Variants in GBF1 observed in about 807,000 individuals in gnomAD.
GBF1 encodes Golgi-specific brefeldin A-resistance guanine nucleotide exchange factor 1.
Under a neutral mutation model 210.5 loss-of-function variants are expected in GBF1, and 114 were observed. That is an observed-to-expected ratio of 0.54 (90% CI 0.47 to 0.63). GBF1 has a LOEUF of 0.63. Among genes scored for constraint, GBF1 ranks in the 30% least tolerant of loss-of-function variants. The pLI is 0.00. For missense variants in GBF1, 1,851 were observed against 2,357.7 expected (o/e 0.79, Z 4.45); for synonymous variants, 850 against 889.2 (o/e 0.96, Z 0.78).
chr10:102,262,955 GAGT>G (rs2073420346), intron 3 of GBF1, among the ~76,000 whole-genome samples: 1 of 152,188 alleles, frequency 6.6e-6, no homozygotes, highest in African/African-American at 2.4e-5. Flanking sequence ...AGAGGGAAGG[GAGT>G]AGTGTTTTCC....
At chr10:102,344,642 A>G (rs756848539) in intron 4 of GBF1, among the ~76,000 whole-genome samples, 3 of 151,758 alleles carry the variant, frequency 2.0e-5, no homozygotes, top group Admixed American at 6.6e-5. Flanking sequence ...CACCACGCCC[A>G]GCTAATTTTT....
intron 3 of GBF1, among the ~76,000 whole-genome samples, chr10:102,343,628 G>A (rs1780850660): frequency 6.6e-6 from 1 of 151,950 alleles, no homozygotes. Context: ...AGACCAACCT[G>A]GGCAACATGG....
the GBF1 span, chr10:102,231,964 G>T: frequency 1.2e-6 from 2 of 1,606,862 alleles, no homozygotes; most frequent in Non-Finnish European, 1.7e-6. Flanking sequence ...CGCGCTTACC[G>T]CTGTGCTCCT....
In GBF1 at chr10:102,263,538, AACC is replaced by A. The variant is rs1200191524; in HGVS notation, c.163+3424_163+3426del. 3.4e-4 allele frequency among the ~76,000 whole-genome samples: 52 copies of A among 152,328 alleles called. 1 individual carries two copies. The highest frequency in any genetic ancestry group is 6.0e-4 in the Non-Finnish European group (41 of 68,028). On this transcript the variant is annotated intron_variant, in intron 3 of 39. Transcript: ENST00000369983. ...GGTGGTTCATTGGACATTGTCAGTA[AACC>A]AAAATGATTTTTTTTTCTCTTTTTG...
chr10:102,257,195 T>C (rs2072526568), intron 1 of GBF1, among the ~76,000 whole-genome samples: 1 of 152,268 alleles, frequency 6.6e-6, no homozygotes, highest in Non-Finnish European at 1.5e-5. Flanking sequence ...ATATTAATGC[T>C]TTCTTGCTGT....
Position 102,376,877 on chromosome 10 carries a change from G to A in GBF1, c.4289-58G>A, listed in dbSNP as rs532261963. Reference sequence around the variant, plus strand: ...GGGAGAGGCTGAGAGGGGAGAAAAGGCAGGGTATCTATGCCTATATAGACA... The same window carrying A: ...GGGAGAGGCTGAGAGGGGAGAAAAGACAGGGTATCTATGCCTATATAGACA... On this transcript the variant is annotated intron_variant, in intron 32 of 39. Coordinates refer to ENST00000369983, the MANE Select transcript of GBF1 (RefSeq NM_001377137.1). The A allele has an allele frequency of 3.1e-6, 5 of 1,608,504 alleles. No individual in the cohort carries two copies. In the South Asian group the frequency reaches 3.3e-5, roughly 11 times the overall value.
chr10:102,367,188 A>C lies in GBF1; in HGVS notation c.2537A>C (p.Gln846Pro). The C allele has an allele frequency of 8.7e-6, 14 of 1,614,190 alleles. No homozygotes were observed. Among genetic ancestry groups the C allele is most frequent in the Non-Finnish European group, 1.1e-5 (13 of 1,180,016 alleles). Residue 846 changes from glutamine to proline, a missense_variant, in exon 20 of 40, where the codon CAG (glutamine) becomes CCG (proline). Gln to Pro is a moderately conservative substitution (Grantham distance 76). Around this residue, in one of 3 missense-constraint regions of GBF1, gnomAD observed 80 missense variants for 151.4 expected, o/e 0.53. Transcript: ENST00000369983. ...CAGCACAACCACAATGTTCGTAAAC[A>C]GAATGCACCCATGACCCTGGAGGTA... ...TDQHNHNVRKQNAPMTLEEFR... is the reference protein window; with the variant it reads ...TDQHNHNVRKPNAPMTLEEFR...
Position 102,311,764 on chromosome 10 carries a change from G to A in GBF1, c.164-32287G>A, listed in dbSNP as rs1171464688. 7.9e-5 allele frequency among the ~76,000 whole-genome samples: 12 copies of A among 152,278 alleles called. No homozygotes were observed. The South Asian group carries it at 2.3e-3, about 29-fold the overall frequency. On this transcript the variant is annotated intron_variant, in intron 3 of 39. Coordinates refer to ENST00000369983, the MANE Select transcript of GBF1 (RefSeq NM_001377137.1). ...AGAATCAACTATTCCTATGCCCCAT[G>A]AATTTCCCCAAAGTTGAACTACTCC...
Position 102,363,873 on chromosome 10 carries a change from G to A in GBF1, c.2106+75G>A. On this transcript the variant is annotated intron_variant, in intron 17 of 39. Transcript: ENST00000369983. The surrounding 1 kb of genome is among the most constrained non-coding windows in gnomAD (Gnocchi z 4.2). ...GTGTTGTAGGGTTTCCATCTCAGAA[G>A]ATGAAGGAGAGTCTAGCACCTCATT... The A allele has an allele frequency of 3.3e-6, 3 of 902,092 alleles. No individual in the cohort carries two copies. The highest frequency in any genetic ancestry group is 5.5e-6 in the Non-Finnish European group (3 of 548,182). The allele number at this position is 902,092 out of a possible 1,614,324, so 55.9% of individuals were successfully genotyped here.
At chr10:102,284,015 GTT>G (rs1033729723) in intron 3 of GBF1, among the ~76,000 whole-genome samples, 3 of 152,180 alleles carry the variant, frequency 2.0e-5, no homozygotes, top group African/African-American at 7.2e-5. Flanking sequence ...TCTGCAACCA[GTT>G]TTGGTGAGTG....
Position 102,380,656 on chromosome 10 carries a change from G to A in GBF1, c.5143G>A (p.Asp1715Asn), listed in dbSNP as rs1173584508. 3 of 1,613,566 alleles carry A rather than the reference G, an allele frequency of 1.9e-6. No homozygotes were observed. Among genetic ancestry groups the A allele is most frequent in the South Asian group, 2.2e-5 (2 of 90,970 alleles). ...RIDCFLPHLR[D>N]ELFKQTVIQD... is the part of the protein sequence containing the mutation. The stretch of plus-strand genomic sequence containing the variant: ...TGACTGTTTTCTCCCTCACCTACGA[G>A]ATGAACTCTTCAAGCAGACCGTCAT... Residue 1715 changes from aspartate (D) to asparagine (N), a missense_variant, in exon 38 of 40, where the codon GAT becomes AAT. Around this residue, in one of 3 missense-constraint regions of GBF1, gnomAD observed 967 missense variants for 1,247.7 expected, o/e 0.78. Transcript: ENST00000369983.
chr10:102,351,916 C>A lies in GBF1; in HGVS notation c.488C>A (p.Ser163Tyr). The A allele has an allele frequency of 6.2e-7, 1 of 1,610,178 alleles. No homozygotes were observed. Among genetic ancestry groups the A allele is most frequent in the Non-Finnish European group, 8.5e-7 (1 of 1,176,372 alleles). The change falls in exon 6 of 40, where the codon TCT becomes TAT. Residue 163 changes from serine (S) to tyrosine (Y), a missense_variant. Physicochemically the swap from Ser to Tyr is moderately radical, Grantham distance 144. Transcript: ENST00000369983. ...GAATCTGTGTGTGAGATTATGCAGT[C>A]TTGCTTCCGGATCTGCTTTGAAATG... Reference protein sequence around the residue: ...TNESVCEIMQSCFRICFEMRL... With the variant: ...TNESVCEIMQYCFRICFEMRL...
Position 102,369,205 on chromosome 10 carries a change from T to C in GBF1, c.2974-6T>C. 2 of 1,605,314 alleles carry C rather than the reference T, an allele frequency of 1.2e-6. No individual in the cohort carries two copies. The highest frequency in any genetic ancestry group is 1.7e-6 in the Non-Finnish European group (2 of 1,172,216). On this transcript the variant is annotated splice_region_variant and splice_polypyrimidine_tract_variant and intron_variant, in intron 23 of 39. Transcript: ENST00000369983. Reference sequence around the variant, plus strand: ...GCCTTAAGTCTGTTCTCTTCCTCTTTTCCAGTCTATTGAGAACCTGCCCAG... The same window carrying C: ...GCCTTAAGTCTGTTCTCTTCCTCTTCTCCAGTCTATTGAGAACCTGCCCAG...
intron 3 of GBF1, among the ~76,000 whole-genome samples, chr10:102,292,415 T>G (rs1336342944): frequency 6.6e-6 from 1 of 152,148 alleles, no homozygotes; most frequent in Non-Finnish European, 1.5e-5. Context: ...CAGGCTGGAG[T>G]GAGTTGCACA....
chr10:102,350,954 G>A (rs2058925506), intron 4 of GBF1, among the ~76,000 whole-genome samples: 1 of 152,022 alleles, frequency 6.6e-6, no homozygotes, highest in African/African-American at 2.4e-5. Flanking sequence ...GGGCATGGTG[G>A]TGGGCGCCTG....
In GBF1 at chr10:102,361,033, A is replaced by T; in HGVS notation, c.1404A>T (p.Ile468=). Residue 468 remains isoleucine (I), a synonymous_variant, in exon 13 of 40, where the codon ATA becomes ATT. Transcript: ENST00000369983. ...MCRHLFQLLS[I]ERLNLYAASL... is the part of the protein sequence containing the mutation. ...GCTCTCATCTCCAGCTACTCAGCAT[A>T]GAGCGACTAAACCTTTATGCTGCTT... 1 of 1,577,364 alleles carries T rather than the reference A, an allele frequency of 6.3e-7. No individual in the cohort carries two copies. The highest frequency in any genetic ancestry group is 8.7e-7 in the Non-Finnish European group (1 of 1,146,864).
intron 3 of GBF1, among the ~76,000 whole-genome samples, chr10:102,261,128 A>C (rs2073151924): frequency 6.6e-6 from 1 of 152,174 alleles, no homozygotes; most frequent in Non-Finnish European, 1.5e-5. Flanking sequence ...TAAGAGGTGG[A>C]GTCAAAACTA....
intron 3 of GBF1, among the ~76,000 whole-genome samples, chr10:102,328,495 T>A (rs910405721): frequency 2.6e-5 from 4 of 152,130 alleles, no homozygotes; most frequent in East Asian, 1.9e-4. Flanking sequence ...TCAAAAAAAA[T>A]AAAAATAAAA....
At chr10:102,260,195 T>C in intron 3 of GBF1, 79 bp downstream of exon 3, 1 of 813,512 alleles carries the variant, frequency 1.2e-6, no homozygotes, top group Non-Finnish European at 2.1e-6. Flanking sequence ...AGACAAACTT[T>C]TTGTATAAAG....
Sources: gnomAD v4.1 joint callset for allele counts (sites outside exome capture counted in the v4.1 genomes callset) on GRCh38, gnomAD v4.1.1 for gene constraint, gnomAD v4.1.1 regional missense constraint, Gnocchi (gnomAD v3.1) non-coding constraint, MANE v1.5 for transcripts, NCBI Gene and HGNC (gene_info 2026-07-23, HGNC 2026-07-21) for gene names.